PLPPR1: variants seen among roughly 807,000 people sequenced by gnomAD.
PLPPR1 encodes phospholipid phosphatase related 1.
In PLPPR1, 10 loss-of-function variants were observed where a neutral mutation model predicts 33.1. The observed-to-expected ratio is 0.30, with a 90% confidence interval of 0.19 to 0.51. PLPPR1 has a LOEUF of 0.51. Among genes scored for constraint, PLPPR1 ranks in the 20% least tolerant of loss-of-function variants. The pLI is 0.97. For missense variants in PLPPR1, 304 were observed against 408.1 expected (o/e 0.74, Z 2.20); for synonymous variants, 151 against 151.0 (o/e 1.00, Z 0.00).
At chr9:101,148,987 A>T (rs924245777) in intron 1 of PLPPR1, among the ~76,000 whole-genome samples, 1 of 152,132 alleles carries the variant, frequency 6.6e-6, no homozygotes, top group African/African-American at 2.4e-5. Context: ...GGCTGAAGTG[A>T]TGATCTCCCA....
Position 101,112,306 on chromosome 9 carries a change from A to G in PLPPR1, c.-45-73144A>G, listed in dbSNP as rs78571674. On this transcript the variant is annotated intron_variant, in intron 1 of 7. Transcript: ENST00000374874. The stretch of plus-strand genomic sequence containing the variant: ...AATAGGCAACAGGTACTCCACATAT[A>G]GAATTAAAAAGTGAGTACAGAAGGA... Among the ~76,000 whole-genome samples, 340 of 152,338 alleles carry G rather than the reference A, an allele frequency of 2.2e-3. 1 individual carries two copies. The highest frequency in any genetic ancestry group is 8.0e-3 in the African/African-American group (334 of 41,572).
intron 4 of PLPPR1, among the ~76,000 whole-genome samples, chr9:101,298,810 A>G (rs562300837): frequency 6.6e-6 from 1 of 152,336 alleles, no homozygotes; most frequent in South Asian, 2.1e-4. Flanking sequence ...ATGTTAGAAG[A>G]TAAGTAGTAC....
At chr9:101,053,289 C>G (rs1830245911) in intron 1 of PLPPR1, among the ~76,000 whole-genome samples, 1 of 152,174 alleles carries the variant, frequency 6.6e-6, no homozygotes, top group African/African-American at 2.4e-5. Context: ...TTAATGTCGT[C>G]AAGCCCTCCA....
chr9:101,133,497 C>T (rs564085600), intron 1 of PLPPR1, among the ~76,000 whole-genome samples: 3 of 152,260 alleles, frequency 2.0e-5, no homozygotes, highest in African/African-American at 7.2e-5. Flanking sequence ...TTAACTTAAA[C>T]TCCAATCACT....
At chr9:101,269,484 C>T (rs1828055860) in intron 2 of PLPPR1, among the ~76,000 whole-genome samples, 1 of 152,140 alleles carries the variant, frequency 6.6e-6, no homozygotes, top group Non-Finnish European at 1.5e-5. Flanking sequence ...TGAAATTGCT[C>T]ATGAACAGTT....
chr9:101,049,318 GA>G lies in PLPPR1; in HGVS notation c.-46+20221del, dbSNP rs140505452. Among the ~76,000 whole-genome samples, 240 of 152,252 alleles carry G rather than the reference GA, an allele frequency of 1.6e-3. 1 individual carries two copies. The highest frequency in any genetic ancestry group is 5.5e-3 in the African/African-American group (228 of 41,546). ...TACAGCATTTAGTAGATAAAATCTG[GA>G]AAAATATCTAAATGCTTAACAAGAA... On this transcript the variant is annotated intron_variant, in intron 1 of 7. Coordinates refer to ENST00000374874, the MANE Select transcript of PLPPR1 (RefSeq NM_207299.2).
intron 1 of PLPPR1, among the ~76,000 whole-genome samples, chr9:101,132,401 G>A (rs1331527849): frequency 6.6e-6 from 1 of 152,108 alleles, no homozygotes; most frequent in Non-Finnish European, 1.5e-5. Flanking sequence ...TGAAAGAAGT[G>A]AATCTCAAGA....
chr9:101,205,038 A>G (rs2118755681), intron 2 of PLPPR1, among the ~76,000 whole-genome samples: 1 of 152,248 alleles, frequency 6.6e-6, no homozygotes, highest in South Asian at 2.1e-4. Context: ...TCAAAGTTTT[A>G]AGTCCCTATT....
chr9:101,281,039 A>G (rs1433792621), intron 3 of PLPPR1, among the ~76,000 whole-genome samples: 1 of 152,128 alleles, frequency 6.6e-6, no homozygotes, highest in African/African-American at 2.4e-5. Context: ...CCACCAAAAA[A>G]AACCTATTAG....
chr9:101,288,386 C>A (rs1337674868), intron 4 of PLPPR1, among the ~76,000 whole-genome samples: 3 of 151,998 alleles, frequency 2.0e-5, no homozygotes, highest in Non-Finnish European at 4.4e-5. Context: ...AGATCTGGAC[C>A]TTGGGAGGAT....
chr9:101,032,139 T>C (rs1406570594), intron 1 of PLPPR1, among the ~76,000 whole-genome samples: 2 of 152,198 alleles, frequency 1.3e-5, no homozygotes, highest in Non-Finnish European at 2.9e-5. Flanking sequence ...CTTAGCTTTT[T>C]GCAGTGGCAC....
At chr9:101,117,798 A>C (rs1247569603) in intron 1 of PLPPR1, among the ~76,000 whole-genome samples, 1 of 152,250 alleles carries the variant, frequency 6.6e-6, no homozygotes, top group Non-Finnish European at 1.5e-5. Flanking sequence ...TGTGAAGATC[A>C]AATGACAACC....
intron 2 of PLPPR1, among the ~76,000 whole-genome samples, chr9:101,204,793 T>G (rs1428561031): frequency 2.0e-5 from 3 of 152,062 alleles, no homozygotes; most frequent in African/African-American, 4.8e-5. Flanking sequence ...CTGAGAACAT[T>G]TAGGTATATG....
intron 1 of PLPPR1, among the ~76,000 whole-genome samples, chr9:101,148,027 ATG>A (rs1831541166): frequency 1.3e-5 from 2 of 152,264 alleles, no homozygotes; most frequent in South Asian, 4.1e-4. Context: ...AGGGTCCTAC[ATG>A]TGTGCAGTTA....
At chr9:101,170,736 G>T (rs576918120) in intron 1 of PLPPR1, among the ~76,000 whole-genome samples, 8 of 152,280 alleles carry the variant, frequency 5.3e-5, no homozygotes, top group African/African-American at 1.9e-4. Context: ...AGGGGTTTAA[G>T]ATCAGCCTGG....
At chr9:101,323,634 G>A (rs1234063307) in intron 7 of PLPPR1, among the ~76,000 whole-genome samples, 4 of 152,102 alleles carry the variant, frequency 2.6e-5, no homozygotes, top group African/African-American at 9.7e-5. Flanking sequence ...GAGGTCGGGA[G>A]TTCGATACCA....
chr9:101,066,560 A>G (rs1426780429), intron 1 of PLPPR1, among the ~76,000 whole-genome samples: 1 of 152,150 alleles, frequency 6.6e-6, no homozygotes, highest in African/African-American at 2.4e-5. Flanking sequence ...TTATGTCAGT[A>G]TGGACTCATG....
chr9:101,069,823 A>C (rs1218912010), intron 1 of PLPPR1, among the ~76,000 whole-genome samples: 1 of 152,102 alleles, frequency 6.6e-6, no homozygotes. Context: ...TTGTATGCAC[A>C]CTACAGTTTG....
At chr9:101,097,311 C>T (rs1304374554) in intron 1 of PLPPR1, among the ~76,000 whole-genome samples, 1 of 152,132 alleles carries the variant, frequency 6.6e-6, no homozygotes, top group Non-Finnish European at 1.5e-5. Context: ...ATGTGTAACA[C>T]CTGCATGTAG....
Sources: gnomAD v4.1 joint callset for allele counts (sites outside exome capture counted in the v4.1 genomes callset) on GRCh38, gnomAD v4.1.1 for gene constraint, MANE v1.5 for transcripts, NCBI Gene and HGNC (gene_info 2026-07-23, HGNC 2026-07-21) for gene names.